The following ESRRB variants were observed in gnomAD, a reference collection of about 807,000 sequenced individuals.
ESRRB encodes the protein estrogen related receptor beta.
Under a neutral mutation model 46.0 loss-of-function variants are expected in ESRRB, and 16 were observed. The ratio of observed to expected loss-of-function variants is 0.35; its 90% confidence interval spans 0.24 to 0.53. The LOEUF is 0.53. Ranked by LOEUF, ESRRB falls within the 20% of genes least tolerant of loss-of-function variation. ESRRB has a pLI of 0.93. For missense variants in ESRRB, 488 were observed against 607.4 expected, an observed-to-expected ratio of 0.80 and a Z score of 2.07; for synonymous variants, 246 against 259.6, an observed-to-expected ratio of 0.95 and a Z score of 0.50.
intron 1 of ESRRB, among the ~76,000 whole-genome samples, chr14:76,316,947 A>C (rs1368485141): frequency 1.3e-5 from 2 of 152,086 alleles, no homozygotes; most frequent in African/African-American, 4.8e-5. Context: ...CTAGCTGTTC[A>C]AACTCTGTAG....
Position 76,439,325 on chromosome 14 carries a change from C to T in ESRRB, c.51-16C>T. ...CAGCACCTTGCTGGGGCTGACTTCC[C>T]GATTTGTGTCCACAGGCTGCTGAAC... is the stretch of plus-strand genomic sequence containing the variant. On this transcript the variant is annotated splice_polypyrimidine_tract_variant and intron_variant, in intron 1 of 6. Transcript: ENST00000644823. 2.5e-6 allele frequency: 4 copies of T among 1,613,628 alleles called. No homozygotes were observed. Among genetic ancestry groups the T allele is most frequent in the Non-Finnish European group, 1.7e-6 (2 of 1,180,020 alleles).
At chr14:76,386,008 T>G in intron 1 of ESRRB, among the ~76,000 whole-genome samples, 1 of 152,202 alleles carries the variant, frequency 6.6e-6, no homozygotes, top group East Asian at 1.9e-4. Context: ...AATTTTTTGA[T>G]GTTATCTTTG....
At chr14:76,488,381 G>A (rs1441014632) in intron 5 of ESRRB, among the ~76,000 whole-genome samples, 7 of 152,206 alleles carry the variant, frequency 4.6e-5, no homozygotes, top group South Asian at 2.1e-4. Context: ...CAGGCCTCCC[G>A]GGTACATCCT....
At chr14:76,474,998 G>T (rs1479573528) in intron 3 of ESRRB, among the ~76,000 whole-genome samples, 7 of 151,758 alleles carry the variant, frequency 4.6e-5, no homozygotes, top group Admixed American at 4.6e-4. Context: ...GGAGGCTGAG[G>T]CAGAAGGATC....
At position 76,500,868 on chromosome 14, in the gene ESRRB, G is replaced by A; in HGVS notation, c.*2410G>A. 3 of 810,800 alleles carry A rather than the reference G, an allele frequency of 3.7e-6. No homozygotes were observed. The highest frequency in any genetic ancestry group is 6.5e-6 in the Non-Finnish European group (3 of 464,352). The allele number at this position is 810,800 out of a possible 1,614,324, so 50.2% of individuals were successfully genotyped here. Reference sequence around the variant, plus strand: ...GGTTGGTGTCCATGAGGTGGAAGCTGCTTTTATACTTAAAACTCAGATCAC... The same window carrying A: ...GGTTGGTGTCCATGAGGTGGAAGCTACTTTTATACTTAAAACTCAGATCAC... On this transcript the variant is annotated 3_prime_UTR_variant, in exon 7 of 7. Coordinates refer to ENST00000644823, the MANE Select transcript of ESRRB (RefSeq NM_001379180.1).
chr14:76,480,656 G>C lies in ESRRB; in HGVS notation c.578-1360G>C, dbSNP rs187248538. 1.6e-3 allele frequency among the ~76,000 whole-genome samples: 240 copies of C among 152,188 alleles called. 1 individual carries two copies. Among genetic ancestry groups the C allele is most frequent in the African/African-American group, 5.5e-3 (227 of 41,472 alleles). On this transcript the variant is annotated intron_variant, in intron 3 of 6. Transcript: ENST00000644823. ...CTGTTCTGGAGAAAGGCCTGAATCC[G>C]GGGGACTGGCAGCCAACACTCTGGG... is the stretch of plus-strand genomic sequence containing the variant.
rs992265058 is a variant in ESRRB, at chr14:76,500,131, T to C, written c.*1673T>C. On this transcript the variant is annotated 3_prime_UTR_variant, in exon 7 of 7. Coordinates refer to ENST00000644823, the MANE Select transcript of ESRRB (RefSeq NM_001379180.1). ...CCTCCTTGGCTCTACCCCAGGAACCTCCCGGCCTGGGCTTCTGGGCTGGGA... is the reference window on the plus strand; with the variant it reads ...CCTCCTTGGCTCTACCCCAGGAACCCCCCGGCCTGGGCTTCTGGGCTGGGA... The C allele has an allele frequency of 6.5e-6, 9 of 1,394,478 alleles. No homozygotes were observed. The highest frequency in any genetic ancestry group is 4.3e-5 in the African/African-American group (3 of 69,858). The allele number at this position is 1,394,478 out of a possible 1,614,324, so 86.4% of individuals were successfully genotyped here.
intron 1 of ESRRB, among the ~76,000 whole-genome samples, chr14:76,419,468 T>C (rs1214600604): frequency 3.3e-5 from 5 of 152,108 alleles, no homozygotes; most frequent in Admixed American, 1.3e-4. Flanking sequence ...GGGGTGAGAA[T>C]ATTCACCCCC....
chr14:76,462,969 G>A (rs1282504809), intron 3 of ESRRB, among the ~76,000 whole-genome samples: 1 of 152,190 alleles, frequency 6.6e-6, no homozygotes, highest in South Asian at 2.1e-4. Context: ...CCCTAGGAGG[G>A]GTAGGCTTAA....
At chr14:76,379,389 G>C (rs761170253) in intron 1 of ESRRB, among the ~76,000 whole-genome samples, 2 of 151,774 alleles carry the variant, frequency 1.3e-5, no homozygotes. Flanking sequence ...TGTTGTTAAA[G>C]AAACAAAGAA....
At chr14:76,317,378 T>C (rs1174363370) in intron 1 of ESRRB, among the ~76,000 whole-genome samples, 1 of 146,904 alleles carries the variant, frequency 6.8e-6, no homozygotes, top group Non-Finnish European at 1.5e-5. Context: ...ACGGCAACAA[T>C]GGTAGGATAA....
chr14:76,458,840 CTTTT>C (rs58084859), intron 2 of ESRRB, among the ~76,000 whole-genome samples: 3 of 126,270 alleles, frequency 2.4e-5, no homozygotes, highest in East Asian at 2.2e-4. Flanking sequence ...TCACCCTCTC[CTTTT>C]TTTTTTTTTT....
rs556503225 is a variant in ESRRB, at chr14:76,363,558, A to G, written c.2+52642A>G. Reference sequence around the variant, plus strand: ...TTATATTCCTTTTCTCATTTTCTCCATTCAGCGCTGAGAGCACACCTCATT... The same window carrying G: ...TTATATTCCTTTTCTCATTTTCTCCGTTCAGCGCTGAGAGCACACCTCATT... On this transcript the variant is annotated intron_variant, in intron 1 of 6. Coordinates refer to the ESRRB transcript ENST00000512784. Among the ~76,000 whole-genome samples, 3 of 152,262 alleles carry G rather than the reference A, an allele frequency of 2.0e-5. No homozygotes were observed. In the East Asian group the frequency reaches 5.8e-4, roughly 29 times the overall value.
intron 1 of ESRRB, among the ~76,000 whole-genome samples, chr14:76,336,639 G>C (rs1884129467): frequency 6.6e-6 from 1 of 152,140 alleles, no homozygotes; most frequent in South Asian, 2.1e-4. Flanking sequence ...CTTCTCCCCA[G>C]GATCCCCAGG....
chr14:76,318,918 G>A (rs1388250382), intron 1 of ESRRB, among the ~76,000 whole-genome samples: 1 of 152,176 alleles, frequency 6.6e-6, no homozygotes, highest in Non-Finnish European at 1.5e-5. Context: ...GTGCACATGT[G>A]TGCACAAGCA....
intron 1 of ESRRB, among the ~76,000 whole-genome samples, chr14:76,313,078 A>G (rs1883757327): frequency 6.6e-6 from 1 of 152,076 alleles, no homozygotes; most frequent in South Asian, 2.1e-4. Context: ...TTAGCTAAAA[A>G]CTGCCTCTTC....
intron 1 of ESRRB, among the ~76,000 whole-genome samples, chr14:76,395,167 C>G (rs1293899319): frequency 6.6e-6 from 1 of 152,158 alleles, no homozygotes. Context: ...GAGAATTAAG[C>G]CATGTGCACT....
At chr14:76,467,056 A>C (rs1327739137) in intron 3 of ESRRB, among the ~76,000 whole-genome samples, 1 of 151,912 alleles carries the variant, frequency 6.6e-6, no homozygotes, top group Non-Finnish European at 1.5e-5. Flanking sequence ...ACCTGCTTCC[A>C]TTTCTTCACT....
upstream of ESRRB, among the ~76,000 whole-genome samples, chr14:76,369,329 C>T (rs1884564755): frequency 6.7e-6 from 1 of 148,698 alleles, no homozygotes; most frequent in African/African-American, 2.5e-5. Context: ...GGCTGGAGTG[C>T]AGTGGCATGA....
Sources: gnomAD v4.1 joint callset for allele counts (sites outside exome capture counted in the v4.1 genomes callset) on GRCh38, gnomAD v4.1.1 for gene constraint, MANE v1.5 for transcripts, NCBI Gene and HGNC (gene_info 2026-07-23, HGNC 2026-07-21) for gene names.